CSMD1: variants seen among roughly 807,000 people sequenced by gnomAD.
CSMD1 encodes CUB and sushi domain-containing protein 1.
In CSMD1, 213 loss-of-function variants were observed where a neutral mutation model predicts 417.5. The observed-to-expected ratio is 0.51, with a 90% CI of 0.46 to 0.57. The LOEUF (loss-of-function observed/expected upper bound fraction) is 0.57. CSMD1 is among the 20% of genes least tolerant of loss of function. The pLI is 0.00. For missense variants in CSMD1, 6,923 were observed against 4,529.7 expected (o/e 1.53, Z -15.17); for synonymous variants, 2,862 against 1,736.8 (o/e 1.65, Z -16.11).
At chr8:3,694,784 C>G (rs1800455742) in intron 7 of CSMD1, among the ~76,000 whole-genome samples, 1 of 151,634 alleles carries the variant, frequency 6.6e-6, no homozygotes, top group Non-Finnish European at 1.5e-5. Flanking sequence ...GCGGTCCAAG[C>G]AGAAGTAACA....
intron 5 of CSMD1, among the ~76,000 whole-genome samples, chr8:3,901,350 T>C (rs1724111484): frequency 6.6e-6 from 1 of 152,244 alleles, no homozygotes; most frequent in Non-Finnish European, 1.5e-5. Context: ...TTTAATTTTT[T>C]TCAAAGTGTG....
intron 2 of CSMD1, among the ~76,000 whole-genome samples, chr8:4,514,019 G>A (rs748877810): frequency 2.6e-5 from 4 of 152,138 alleles, no homozygotes; most frequent in Non-Finnish European, 5.9e-5. Context: ...AGTCAGCTCA[G>A]ACTGCCATAA....
intron 3 of CSMD1, among the ~76,000 whole-genome samples, chr8:4,238,472 C>G (rs569865782): frequency 1.3e-5 from 2 of 152,132 alleles, no homozygotes; most frequent in African/African-American, 4.8e-5. Flanking sequence ...AGCACACTGC[C>G]TTAGGGTAAG....
intron 26 of CSMD1, among the ~76,000 whole-genome samples, chr8:3,241,069 G>C (rs1191383610): frequency 6.9e-6 from 1 of 145,122 alleles, no homozygotes; most frequent in Non-Finnish European, 1.5e-5. Flanking sequence ...GTTAAGGTGA[G>C]GGGATACAAG....
At chr8:4,161,108 T>C (rs1431249732) in intron 3 of CSMD1, among the ~76,000 whole-genome samples, 2 of 115,500 alleles carry the variant, frequency 1.7e-5, no homozygotes, top group African/African-American at 2.9e-5. Flanking sequence ...CCAGGAAATA[T>C]AAACAAATAA....
chr8:3,121,810 GCAGA>G (rs1403349129), intron 41 of CSMD1, among the ~76,000 whole-genome samples: 1 of 151,918 alleles, frequency 6.6e-6, no homozygotes, highest in Non-Finnish European at 1.5e-5. Flanking sequence ...TAAAAAGCAA[GCAGA>G]CAAACAAACA....
chr8:4,765,995 T>C (rs889577232), intron 1 of CSMD1, among the ~76,000 whole-genome samples: 9 of 152,210 alleles, frequency 5.9e-5, no homozygotes, highest in African/African-American at 1.7e-4. Flanking sequence ...TATTACATAG[T>C]TTGGCATTCA....
At chr8:4,703,304 T>G (rs1383466457) in intron 1 of CSMD1, among the ~76,000 whole-genome samples, 1 of 152,050 alleles carries the variant, frequency 6.6e-6, no homozygotes, top group Non-Finnish European at 1.5e-5. Flanking sequence ...ATCAGAATCT[T>G]CTCAGAAAGT....
chr8:3,109,651 G>A (rs992355370), intron 43 of CSMD1, among the ~76,000 whole-genome samples: 1 of 152,060 alleles, frequency 6.6e-6, no homozygotes, highest in African/African-American at 2.4e-5. Context: ...GCCTTCACAT[G>A]CATTTCCAGG....
At chr8:2,984,125 T>C (rs1805652164) in intron 54 of CSMD1, among the ~76,000 whole-genome samples, 1 of 152,202 alleles carries the variant, frequency 6.6e-6, no homozygotes, top group Non-Finnish European at 1.5e-5. Flanking sequence ...AAAAGGCAAC[T>C]AACTTTCCAT....
intron 9 of CSMD1, among the ~76,000 whole-genome samples, chr8:3,576,615 A>C (rs1386691729): frequency 6.6e-6 from 1 of 152,230 alleles, no homozygotes; most frequent in East Asian, 1.9e-4. Context: ...GTCCAAATGA[A>C]AAACAAACAT....
At chr8:3,416,966 T>G (rs560775650) in intron 12 of CSMD1, among the ~76,000 whole-genome samples, 1 of 152,358 alleles carries the variant, frequency 6.6e-6, no homozygotes, top group South Asian at 2.1e-4. Flanking sequence ...AACAGCAATT[T>G]CTCTAAATCT....
intron 6 of CSMD1, among the ~76,000 whole-genome samples, chr8:3,708,692 A>C (rs1801320312): frequency 6.6e-6 from 1 of 152,174 alleles, no homozygotes; most frequent in African/African-American, 2.4e-5. Context: ...CAGCAAGATC[A>C]CATCTTACAG....
chr8:3,977,162 T>A (rs1281636223), intron 5 of CSMD1, among the ~76,000 whole-genome samples: 2 of 152,330 alleles, frequency 1.3e-5, no homozygotes, highest in East Asian at 3.9e-4. Flanking sequence ...CTCAATCTCT[T>A]GGGCTGAAGC....
chr8:3,736,379 C>T (rs1796521057), intron 6 of CSMD1, among the ~76,000 whole-genome samples: 1 of 151,792 alleles, frequency 6.6e-6, no homozygotes, highest in Non-Finnish European at 1.5e-5. Context: ...GAAGCTGAGA[C>T]ACAGGTGCAA....
chr8:3,235,523 CA>C (rs1255697698), intron 26 of CSMD1, among the ~76,000 whole-genome samples: 1 of 152,130 alleles, frequency 6.6e-6, no homozygotes, highest in Non-Finnish European at 1.5e-5. Context: ...TAGACATTCC[CA>C]TTGCACATTA....
At chr8:4,855,268 A>C (rs1005581964) in intron 1 of CSMD1, among the ~76,000 whole-genome samples, 18 of 151,494 alleles carry the variant, frequency 1.2e-4, no homozygotes, top group South Asian at 2.1e-4. Context: ...ATCTGTACAT[A>C]ACCATCATCA....
At chr8:4,014,264 A>G (rs140945995) in intron 4 of CSMD1, among the ~76,000 whole-genome samples, 5 of 152,220 alleles carry the variant, frequency 3.3e-5, no homozygotes, top group Non-Finnish European at 7.3e-5. Context: ...ACAGTGCTAT[A>G]TGTACAGAGA....
intron 7 of CSMD1, among the ~76,000 whole-genome samples, chr8:3,618,974 G>A (rs1584970212): frequency 6.6e-6 from 1 of 152,260 alleles, no homozygotes; most frequent in African/African-American, 2.4e-5. Context: ...GTCAGATGAG[G>A]AAGGGCGGCA....
Sources: allele counts gnomAD v4.1 joint callset (sites outside exome capture counted in the v4.1 genomes callset), GRCh38; gene constraint gnomAD v4.1.1; transcripts MANE v1.5; gene names NCBI Gene and HGNC (gene_info 2026-07-23, HGNC 2026-07-21).